SYT1: variants seen among roughly 807,000 people sequenced by gnomAD.
SYT1 encodes the protein synaptotagmin 1, also known as synaptotagmin-1.
SYT1 carries 8 observed loss-of-function variants against 44.8 expected under a neutral mutation model. That is an observed-to-expected ratio of 0.18 (90% CI 0.10 to 0.32). The LOEUF (loss-of-function observed/expected upper bound fraction) is 0.32, where lower values mean the gene tolerates loss of function less well. Among genes scored for constraint, SYT1 ranks in the 10% least tolerant of loss-of-function variants. The pLI is 1.00. For missense variants in SYT1, 286 were observed against 509.3 expected, an observed-to-expected ratio of 0.56 and a Z score of 4.22; for synonymous variants, 154 against 188.8, an observed-to-expected ratio of 0.82 and a Z score of 1.51.
chr12:79,170,997 G>A (rs1027746215), intron 3 of SYT1, among the ~76,000 whole-genome samples: 16 of 152,016 alleles, frequency 1.1e-4, no homozygotes, highest in African/African-American at 3.6e-4. Context: ...AGATCAGAGA[G>A]TTGTAGGTGT....
intron 4 of SYT1, among the ~76,000 whole-genome samples, chr12:79,267,765 C>A (rs1878211566): frequency 6.6e-6 from 1 of 152,162 alleles, no homozygotes; most frequent in Admixed American, 6.6e-5. Context: ...CTCCCTGGAG[C>A]CTGCAGACAG....
chr12:79,347,820 A>G (rs557477338), intron 8 of SYT1, among the ~76,000 whole-genome samples: 1 of 152,160 alleles, frequency 6.6e-6, no homozygotes, highest in Admixed American at 6.5e-5. Context: ...GTGCTAAGAC[A>G]AAAAAGAAGC....
At chr12:78,885,355 CGAAG>C (rs907151854) in intron 1 of SYT1, among the ~76,000 whole-genome samples, 35 of 57,200 alleles carry the variant, frequency 6.1e-4, no homozygotes, top group South Asian at 3.5e-3. Context: ...AAGGAAGGAA[CGAAG>C]GAAGGAAGGA....
chr12:78,866,129 C>T (rs1193462627), intron 1 of SYT1, among the ~76,000 whole-genome samples: 1 of 152,128 alleles, frequency 6.6e-6, no homozygotes, highest in African/African-American at 2.4e-5. Flanking sequence ...TTAACCCTTT[C>T]GTGAAATAAA....
chr12:78,919,232 T>C (rs1032480344), intron 1 of SYT1, among the ~76,000 whole-genome samples: 2 of 152,070 alleles, frequency 1.3e-5, no homozygotes, highest in African/African-American at 2.4e-5. Context: ...GTTTCTGGTT[T>C]ATGAACAATA....
chr12:79,120,049 A>G (rs1330655419), intron 3 of SYT1, among the ~76,000 whole-genome samples: 1 of 152,176 alleles, frequency 6.6e-6, no homozygotes, highest in Non-Finnish European at 1.5e-5. Context: ...AAGGCCTCCC[A>G]GAAGCAAGGA....
At chr12:79,267,206 C>T (rs535958058) in intron 4 of SYT1, among the ~76,000 whole-genome samples, 4 of 152,086 alleles carry the variant, frequency 2.6e-5, no homozygotes, top group African/African-American at 7.2e-5. Context: ...TATATCTGCC[C>T]CTTTAGCTGA....
At chr12:79,328,720 C>T (rs1217612543) in intron 8 of SYT1, among the ~76,000 whole-genome samples, 1 of 152,042 alleles carries the variant, frequency 6.6e-6, no homozygotes, top group Non-Finnish European at 1.5e-5. Flanking sequence ...GTGGCAGGCA[C>T]CTGCAGTCCC....
intron 3 of SYT1, among the ~76,000 whole-genome samples, chr12:79,048,726 A>C (rs745865822): frequency 1.3e-5 from 2 of 151,952 alleles, no homozygotes; most frequent in African/African-American, 2.4e-5. Flanking sequence ...ATGTTTACAT[A>C]GTTCTGGGTA....
chr12:79,075,949 G>A (rs754899512), intron 3 of SYT1, among the ~76,000 whole-genome samples: 3 of 152,014 alleles, frequency 2.0e-5, no homozygotes, highest in Non-Finnish European at 2.9e-5. Flanking sequence ...CCCATAGCTA[G>A]GTTTGTAGCT....
chr12:79,113,882 T>G (rs1879143997), intron 3 of SYT1, among the ~76,000 whole-genome samples: 1 of 152,162 alleles, frequency 6.6e-6, no homozygotes, highest in East Asian at 1.9e-4. Context: ...TCCTATCTAA[T>G]TCTGCCTCAA....
intron 4 of SYT1, among the ~76,000 whole-genome samples, chr12:79,226,224 G>A (rs2138597566): frequency 6.6e-6 from 1 of 152,100 alleles, no homozygotes; most frequent in East Asian, 1.9e-4. Flanking sequence ...ATGCTTGACT[G>A]TGTCATAAAC....
chr12:79,018,122 A>T (rs1871929582), intron 2 of SYT1, among the ~76,000 whole-genome samples: 1 of 151,918 alleles, frequency 6.6e-6, no homozygotes, highest in Non-Finnish European at 1.5e-5. Flanking sequence ...AGACTGGATT[A>T]AGAAAATGTG....
At chr12:78,914,775 T>C (rs562950777) in intron 1 of SYT1, among the ~76,000 whole-genome samples, 3 of 152,180 alleles carry the variant, frequency 2.0e-5, no homozygotes, top group African/African-American at 7.2e-5. Context: ...AATTCAAGAA[T>C]ATTATTTTGT....
intron 2 of SYT1, among the ~76,000 whole-genome samples, chr12:78,994,164 G>GTTTA (rs1870204976): frequency 6.6e-6 from 1 of 152,152 alleles, no homozygotes; most frequent in Admixed American, 6.5e-5. Context: ...TGTCAGTGTA[G>GTTTA]TTTAGTCTTT....
chr12:78,914,974 A>G (rs1045952940), intron 1 of SYT1, among the ~76,000 whole-genome samples: 1 of 152,026 alleles, frequency 6.6e-6, no homozygotes, highest in Non-Finnish European at 1.5e-5. Context: ...ACAGGTGGTG[A>G]AAGTGGGCAT....
intron 1 of SYT1, among the ~76,000 whole-genome samples, chr12:78,876,786 A>ATG (rs1443532069): frequency 1.8e-5 from 1 of 55,550 alleles, no homozygotes; most frequent in African/African-American, 6.8e-5. Context: ...TATATTATAT[A>ATG]ATACATATAA....
At chr12:79,174,098 C>T (rs1009395896) in intron 3 of SYT1, among the ~76,000 whole-genome samples, 1 of 151,842 alleles carries the variant, frequency 6.6e-6, no homozygotes. Context: ...TGGATTAATG[C>T]CCAGAGATAA....
At chr12:79,065,791 T>G (rs1224658644) in intron 3 of SYT1, among the ~76,000 whole-genome samples, 1 of 152,168 alleles carries the variant, frequency 6.6e-6, no homozygotes. Context: ...TTTTGTGCAC[T>G]TATGCGCACA....
Sources: gnomAD v4.1 joint callset for allele counts (sites outside exome capture counted in the v4.1 genomes callset) on GRCh38, gnomAD v4.1.1 for gene constraint, MANE v1.5 for transcripts, NCBI Gene and HGNC (gene_info 2026-07-23, HGNC 2026-07-21) for gene names.